TMPRSS9: variants seen among roughly 807,000 people sequenced by gnomAD.
The protein encoded by TMPRSS9 is transmembrane serine protease 9.
In TMPRSS9, 113 loss-of-function variants were observed where a neutral mutation model predicts 111.4. That is an observed-to-expected ratio of 1.01 (90% CI 0.87 to 1.19). The LOEUF (loss-of-function observed/expected upper bound fraction) is 1.19. TMPRSS9 is among the 50% of genes most tolerant of loss of function. TMPRSS9 has a pLI of 0.00. For synonymous variants in TMPRSS9, 805 were observed against 659.1 expected (o/e 1.22, Z -3.39); for missense variants, 1,803 against 1,513.1 (o/e 1.19, Z -3.18).
In TMPRSS9 at chr19:2,403,196, G is replaced by A. The variant is rs1970891735; in HGVS notation, c.670+1G>A. ...GATGGGTCCGACGAGGCGCACTGCGGTCAGTCTGCCTGTCTGGCCTGGTCT... is the reference window on the plus strand; with the variant it reads ...GATGGGTCCGACGAGGCGCACTGCGATCAGTCTGCCTGTCTGGCCTGGTCT... On this transcript the variant is annotated splice_donor_variant, in intron 6 of 17. Transcript: ENST00000648592. LOFTEE classifies it high-confidence loss of function. 6.2e-7 allele frequency: 1 copy of A among 1,602,758 alleles called. No individual in the cohort carries two copies. The highest frequency in any genetic ancestry group is 8.5e-7 in the Non-Finnish European group (1 of 1,175,764).
exon 18 of TMPRSS9, chr19:2,426,110 C>T (rs766817683): frequency 6.3e-6 from 10 of 1,588,446 alleles, no homozygotes; most frequent in African/African-American, 2.7e-5. Context: ...CTGCCCAGGC[C>T]GAGACTCTAC....
chr19:2,403,143 G>A lies in TMPRSS9; in HGVS notation c.618G>A (p.Pro206=), dbSNP rs747117234. 15 of 1,612,466 alleles carry A rather than the reference G, an allele frequency of 9.3e-6. No individual in the cohort carries two copies. The African/African-American group carries it at 1.2e-4, about 13-fold the overall frequency. The change falls in exon 6 of 18, where the codon CCG becomes CCA. Residue 206 remains proline, a synonymous_variant. Transcript: ENST00000648592. ...GCCAGTGTGTGACCAAGGTGAACCC[G>A]GAGTGTGACGACCAGGAGGACTGCT...
At chr19:2,420,634 C>A (rs990080779) in intron 13 of TMPRSS9, among the ~76,000 whole-genome samples, 5 of 152,148 alleles carry the variant, frequency 3.3e-5, no homozygotes, top group Non-Finnish European at 7.4e-5. Flanking sequence ...CTTCTGAGTT[C>A]AAATCCTGCT....
At chr19:2,399,029 C>G in exon 4 of TMPRSS9, 1 of 1,611,614 alleles carries the variant, frequency 6.2e-7, no homozygotes, top group Non-Finnish European at 8.5e-7. Context: ...GATGGGAACT[C>G]CAGTGTCCTC....
chr19:2,422,711 C>G (rs1468598439), intron 14 of TMPRSS9, among the ~76,000 whole-genome samples: 1 of 152,074 alleles, frequency 6.6e-6, no homozygotes, highest in Admixed American at 6.5e-5. Flanking sequence ...CATGGTGAAA[C>G]CCCATCTCTA....
chr19:2,388,072 A>T (rs1227869438), upstream of TMPRSS9, among the ~76,000 whole-genome samples: 1 of 152,116 alleles, frequency 6.6e-6, no homozygotes, highest in Admixed American at 6.6e-5. Flanking sequence ...TGTGGTCACA[A>T]ATTCTTTGAT....
At chr19:2,411,753 T>C (rs1203478249) in intron 9 of TMPRSS9, among the ~76,000 whole-genome samples, 2 of 152,152 alleles carry the variant, frequency 1.3e-5, no homozygotes, top group Non-Finnish European at 2.9e-5. Flanking sequence ...GGTTTCGCCA[T>C]GTTGGCCAGG....
At chr19:2,372,627 T>C (rs1970299651) in intron 1 of TMPRSS9, among the ~76,000 whole-genome samples, 1 of 152,214 alleles carries the variant, frequency 6.6e-6, no homozygotes, top group African/African-American at 2.4e-5. Context: ...AAACGCTCGC[T>C]TGTCTGAGAC....
intron 13 of TMPRSS9, among the ~76,000 whole-genome samples, 193 bp from the exon 15 acceptor site, chr19:2,421,661 A>C (rs1387840343): frequency 6.6e-6 from 1 of 152,164 alleles, no homozygotes; most frequent in Non-Finnish European, 1.5e-5. Flanking sequence ...ATGGAAACTC[A>C]GAGAGGAGAA....
At chr19:2,370,607 G>A (rs8101012) in intron 1 of TMPRSS9, among the ~76,000 whole-genome samples, 116 of 151,984 alleles carry the variant, frequency 7.6e-4, no homozygotes, top group African/African-American at 2.8e-3. Flanking sequence ...GGGATTACAG[G>A]CGTGAGCCAC....
chr19:2,408,465 T>C, exon 8 of TMPRSS9: 2 of 1,613,900 alleles, frequency 1.2e-6, no homozygotes, highest in South Asian at 1.1e-5. Context: ...GCACCCCCTG[T>C]ACAACGCGGA....
upstream of TMPRSS9, among the ~76,000 whole-genome samples, chr19:2,387,095 G>T (rs1034276722): frequency 4.0e-5 from 6 of 149,604 alleles, no homozygotes; most frequent in Admixed American, 1.3e-4. Flanking sequence ...AGTGGCTCAC[G>T]CCTGTAATCC....
At chr19:2,393,526 C>G (rs1031097904) in intron 1 of TMPRSS9, among the ~76,000 whole-genome samples, 1 of 152,166 alleles carries the variant, frequency 6.6e-6, no homozygotes, top group Admixed American at 6.6e-5. Context: ...CAGCTTCATT[C>G]TTGAAGTCAG....
exon 15 of TMPRSS9, chr19:2,424,168 G>A (rs1374161377): frequency 2.0e-6 from 3 of 1,468,248 alleles, no homozygotes; most frequent in East Asian, 2.7e-5. Flanking sequence ...CGTGGCAGGT[G>A]AGCCTGTGGC....
At chr19:2,395,807 A>G (rs1175180841) in intron 1 of TMPRSS9, among the ~76,000 whole-genome samples, 1 of 152,112 alleles carries the variant, frequency 6.6e-6, no homozygotes, top group African/African-American at 2.4e-5. Flanking sequence ...GGAGATAGAG[A>G]CCATCCTGGC....
At chr19:2,421,307 G>A (rs1176040711) in intron 13 of TMPRSS9, among the ~76,000 whole-genome samples, 2 of 145,214 alleles carry the variant, frequency 1.4e-5, no homozygotes, top group Non-Finnish European at 3.0e-5. Flanking sequence ...TTTTTTTTTT[G>A]AGAGGGAGTC....
intron 1 of TMPRSS9, among the ~76,000 whole-genome samples, chr19:2,390,260 A>ATTT (rs1970559529): frequency 1.9e-5 from 1 of 53,702 alleles, no homozygotes; most frequent in African/African-American, 1.1e-4. Flanking sequence ...TTTTTTTTTG[A>ATTT]GACGGAGTCT....
chr19:2,426,210 G>A (rs78609089), exon 18 of TMPRSS9: 7 of 1,154,866 alleles, frequency 6.1e-6, no homozygotes, highest in Admixed American at 3.2e-5. Flanking sequence ...GGGTCATGGG[G>A]ATGCATTTTG....
At chr19:2,403,190 A>C (rs1329978079) in exon 6 of TMPRSS9, 2 of 1,605,518 alleles carry the variant, frequency 1.2e-6, no homozygotes, top group African/African-American at 2.7e-5. Context: ...GACGAGGCGC[A>C]CTGCGGTCAG....
Sources: allele counts gnomAD v4.1 joint callset (sites outside exome capture counted in the v4.1 genomes callset), GRCh38; gene constraint gnomAD v4.1.1; transcripts MANE v1.5; gene names NCBI Gene and HGNC (gene_info 2026-07-23, HGNC 2026-07-21).